The following SNX3 variants were observed in gnomAD, a reference collection of about 807,000 sequenced individuals.
The protein encoded by SNX3 is sorting nexin 3.
In SNX3, 5 loss-of-function variants were observed where a neutral mutation model predicts 17.7. The observed-to-expected ratio is 0.28, with a 90% CI of 0.15 to 0.59. SNX3 has a LOEUF of 0.59. Among genes scored for constraint, SNX3 ranks in the 20% least tolerant of loss-of-function variants. The pLI is 0.88. For synonymous variants in SNX3, 91 were observed against 76.5 expected, an observed-to-expected ratio of 1.19 and a Z score of -0.99; for missense variants, 132 against 206.8, an observed-to-expected ratio of 0.64 and a Z score of 2.22.
At chr6:108,260,007 A>G (rs1776141263) in intron 1 of SNX3, among the ~76,000 whole-genome samples, 2 of 152,262 alleles carry the variant, frequency 1.3e-5, no homozygotes, top group South Asian at 4.1e-4. Context: ...TATTGCCAAC[A>G]AATACTAGTT....
rs749790700 is a variant in SNX3, at chr6:108,261,005, G to A, written c.-84C>T. 3.1e-6 allele frequency: 4 copies of A among 1,276,774 alleles called. No individual in the cohort carries two copies. Among genetic ancestry groups the A allele is most frequent in the Non-Finnish European group, 4.1e-6 (4 of 979,246 alleles). 79.1% of individuals were successfully genotyped at this position (1,276,774 alleles called of 1,614,324 possible). On this transcript the variant is annotated 5_prime_UTR_variant, in exon 1 of 4. Coordinates refer to ENST00000230085, the MANE Select transcript of SNX3 (RefSeq NM_003795.6). ...CGCCGCCGCCGCTGCTGCCCGCCGT[G>A]GGGACACGGGGCTCGCGCGCAGCGG...
Position 108,214,393 on chromosome 6 carries a change from A to C in SNX3, c.383+105T>G. 2.8e-6 allele frequency: 3 copies of C among 1,086,290 alleles called. No homozygotes were observed. In the South Asian group the frequency reaches 4.4e-5, roughly 16 times the overall value. 67.3% of individuals were successfully genotyped at this position (1,086,290 alleles called of 1,614,324 possible). A position where few individuals can be genotyped will look rare whatever the true frequency, so the allele number is the denominator to read the frequency against. On this transcript the variant is annotated intron_variant, in intron 3 of 3. Coordinates refer to ENST00000230085, the MANE Select transcript of SNX3 (RefSeq NM_003795.6). ...CTTTGTTTAAATGATATGAAAAGTT[A>C]GGAAATGGCTGAAAGAAAAGGCAAC...
intron 1 of SNX3, among the ~76,000 whole-genome samples, chr6:108,225,627 G>A (rs1384131894): frequency 2.0e-5 from 3 of 151,952 alleles, no homozygotes; most frequent in African/African-American, 7.3e-5. Context: ...GTGAGACTCT[G>A]ACTCAAACAA....
Position 108,260,946 on chromosome 6 carries a change from G to A in SNX3, c.-25C>T, listed in dbSNP as rs1164694629. On this transcript the variant is annotated 5_prime_UTR_variant, in exon 1 of 4. Coordinates refer to ENST00000230085, the MANE Select transcript of SNX3 (RefSeq NM_003795.6). ...TTTCGCTGTAGCTGCTGCCGCCGCC[G>A]CGGGCTCCCTCCGCCCCCTCCGCGT... The A allele has an allele frequency of 1.9e-6, 3 of 1,542,190 alleles. No individual in the cohort carries two copies. Among genetic ancestry groups the A allele is most frequent in the Non-Finnish European group, 2.6e-6 (3 of 1,146,436 alleles).
At chr6:108,224,110 T>C (rs1176485609) in intron 1 of SNX3, among the ~76,000 whole-genome samples, 2 of 152,114 alleles carry the variant, frequency 1.3e-5, no homozygotes, top group African/African-American at 4.8e-5. Flanking sequence ...TCTCAATGCC[T>C]ATCACACTGC....
chr6:108,219,588 G>GC (rs1192020165), intron 2 of SNX3, among the ~76,000 whole-genome samples: 3 of 152,192 alleles, frequency 2.0e-5, no homozygotes, highest in Non-Finnish European at 4.4e-5. Context: ...TTCAGCCTGG[G>GC]CAACAGAGCA....
At chr6:108,223,072 T>TG in intron 1 of SNX3, 27 bp from the exon 2 acceptor site, 1 of 1,286,132 alleles carries the variant, frequency 7.8e-7, no homozygotes, top group Non-Finnish European at 1.1e-6. Flanking sequence ...TAGTCCTAAA[T>TG]TGAAGCACAT....
chr6:108,252,204 G>T (rs1199378651), intron 1 of SNX3: 1 of 152,308 alleles, frequency 6.6e-6, no homozygotes, highest in African/African-American at 2.4e-5. Context: ...AGGAAGGGAT[G>T]GCAGGCACCA....
chr6:108,225,580 G>C (rs1009766628), intron 1 of SNX3, among the ~76,000 whole-genome samples: 1 of 151,506 alleles, frequency 6.6e-6, no homozygotes, highest in Non-Finnish European at 1.5e-5. Flanking sequence ...GCAGTGAGCC[G>C]AAGATCGCTC....
intron 1 of SNX3, among the ~76,000 whole-genome samples, chr6:108,249,299 G>A (rs572723497): frequency 6.6e-6 from 1 of 152,268 alleles, no homozygotes; most frequent in African/African-American, 2.4e-5. Flanking sequence ...GCACGTGCCT[G>A]TAATCCCAGC....
At chr6:108,225,064 C>CG (rs1188192825) in intron 1 of SNX3, among the ~76,000 whole-genome samples, 1 of 152,070 alleles carries the variant, frequency 6.6e-6, no homozygotes, top group African/African-American at 2.4e-5. Context: ...GGGCGGATCA[C>CG]GAGGTCAGGA....
At chr6:108,244,885 C>T (rs1311499456) in intron 1 of SNX3, among the ~76,000 whole-genome samples, 1 of 152,016 alleles carries the variant, frequency 6.6e-6, no homozygotes, top group Admixed American at 6.6e-5. Context: ...AGTAATCCAC[C>T]TGCCTCGGCC....
At chr6:108,213,290 G>T (rs1774463735) in intron 3 of SNX3, among the ~76,000 whole-genome samples, 1 of 152,138 alleles carries the variant, frequency 6.6e-6, no homozygotes, top group Non-Finnish European at 1.5e-5. Context: ...AAATATCCAG[G>T]TATTTTGTTT....
chr6:108,248,815 C>T (rs1760650688), intron 1 of SNX3, among the ~76,000 whole-genome samples: 1 of 151,790 alleles, frequency 6.6e-6, no homozygotes, highest in Admixed American at 6.6e-5. Context: ...GGCTGGAGTG[C>T]AGTGGTACCA....
At chr6:108,251,303 C>CA (rs1019257721) in intron 1 of SNX3, among the ~76,000 whole-genome samples, 1 of 151,850 alleles carries the variant, frequency 6.6e-6, no homozygotes, top group African/African-American at 2.4e-5. Context: ...CAGGCATTAG[C>CA]AAAAAAAGGA....
intron 1 of SNX3, among the ~76,000 whole-genome samples, chr6:108,226,432 A>T (rs1290746975): frequency 6.6e-6 from 1 of 152,222 alleles, no homozygotes; most frequent in Non-Finnish European, 1.5e-5. Flanking sequence ...AAATGACTTA[A>T]CATAATAACT....
intron 1 of SNX3, among the ~76,000 whole-genome samples, chr6:108,256,687 A>G (rs979475825): frequency 6.6e-6 from 1 of 152,240 alleles, no homozygotes; most frequent in Non-Finnish European, 1.5e-5. Context: ...AGTGGTCTCC[A>G]GGTAAAATAG....
At chr6:108,254,952 C>A (rs933106053) in intron 1 of SNX3, among the ~76,000 whole-genome samples, 1 of 152,156 alleles carries the variant, frequency 6.6e-6, no homozygotes, top group Non-Finnish European at 1.5e-5. Flanking sequence ...GAGGAAAGGA[C>A]AAGAGATGAG....
At chr6:108,221,444 C>A (rs115102457) in intron 2 of SNX3, among the ~76,000 whole-genome samples, 1 of 148,010 alleles carries the variant, frequency 6.8e-6, no homozygotes, top group Non-Finnish European at 1.5e-5. Flanking sequence ...ACACAAAGGA[C>A]GAGCTAAAAT....
Sources: gnomAD v4.1 joint callset for allele counts (sites outside exome capture counted in the v4.1 genomes callset) on GRCh38, gnomAD v4.1.1 for gene constraint, MANE v1.5 for transcripts, NCBI Gene and HGNC (gene_info 2026-07-23, HGNC 2026-07-21) for gene names.